The following URB1 variants were observed in gnomAD, a reference collection of about 807,000 sequenced individuals.
URB1 encodes nucleolar pre-ribosomal-associated protein 1.
Under a neutral mutation model 242.3 loss-of-function variants are expected in URB1, and 197 were observed. The observed-to-expected ratio is 0.81, with a 90% CI of 0.72 to 0.91. The LOEUF is 0.91. Among genes scored for constraint, URB1 ranks in the 40% least tolerant of loss-of-function variants. The pLI, the probability that URB1 is intolerant of heterozygous loss-of-function variation, is 0.00. For synonymous variants in URB1, 1,153 were observed against 1,201.8 expected, an observed-to-expected ratio of 0.96 and a Z score of 0.84; for missense variants, 2,721 against 2,860.5, an observed-to-expected ratio of 0.95 and a Z score of 1.11.
At chr21:32,359,075 T>C (rs570524130) in intron 14 of URB1, among the ~76,000 whole-genome samples, 1 of 152,328 alleles carries the variant, frequency 6.6e-6, no homozygotes, top group East Asian at 1.9e-4. Context: ...CATTCTTAAG[T>C]CTTCCTGGAA....
chr21:32,337,253 C>A, intron 27 of URB1, 96 bp from the exon 28 acceptor site: 1 of 1,406,932 alleles, frequency 7.1e-7, no homozygotes, highest in Non-Finnish European at 9.8e-7. Context: ...GCTCAAATGG[C>A]CCGGTCCTCA....
At position 32,353,956 on chromosome 21, in the gene URB1, A is replaced by ACAG; in HGVS notation, c.2392_2393insCTG (p.Leu798delinsProVal). On this transcript the variant is annotated protein_altering_variant, in exon 18 of 39. Transcript: ENST00000382751. ...ACCTGCTTCATTGCCTGTCCCAAGG[A>ACAG]GCAACTTATTCCTGGCTTCCAGGGC... 6.4e-7 allele frequency: 1 copy of ACAG among 1,551,738 alleles called. No individual in the cohort carries two copies. The highest frequency in any genetic ancestry group is 8.7e-7 in the Non-Finnish European group (1 of 1,147,006).
At chr21:32,390,178 CCT>C (rs1197821686) in intron 1 of URB1, among the ~76,000 whole-genome samples, 1 of 152,218 alleles carries the variant, frequency 6.6e-6, no homozygotes, top group African/African-American at 2.4e-5. Context: ...ACACCCATGC[CCT>C]GTCAACCTGG....
intron 30 of URB1, chr21:32,333,062 C>T: frequency 2.2e-6 from 1 of 456,354 alleles, no homozygotes. Context: ...ATTAGGAAAA[C>T]ATCAAAGACA....
At position 32,315,008 on chromosome 21, in the gene URB1, C is replaced by T. The variant is rs1316362619; in HGVS notation, c.6726G>A (p.Val2242=). The T allele has an allele frequency of 2.6e-6, 4 of 1,551,680 alleles. No individual in the cohort carries two copies. The highest frequency in any genetic ancestry group is 3.5e-6 in the Non-Finnish European group (4 of 1,146,996). The part of the protein sequence containing the change: ...PDTLLTHVRM[V]CEAADDAPSS... ...TCGGGGCATCATCTGCGGCCTCACACACCATCCGGACGTGGGTTAAGAGGG... is the reference window on the plus strand; with the variant it reads ...TCGGGGCATCATCTGCGGCCTCACATACCATCCGGACGTGGGTTAAGAGGG... Residue 2242 remains valine (V), a synonymous_variant, in exon 39 of 39, where the codon GTG becomes GTA. Coordinates refer to ENST00000382751, the MANE Select transcript of URB1 (RefSeq NM_014825.3).
chr21:32,360,822 T>C (rs2033274341), intron 13 of URB1, among the ~76,000 whole-genome samples, 185 bp downstream of exon 13: 1 of 152,200 alleles, frequency 6.6e-6, no homozygotes, highest in East Asian at 1.9e-4. Context: ...TACCAGGTGT[T>C]CATCTGATAT....
chr21:32,378,379 G>C (rs2033483388), intron 5 of URB1, 66 bp downstream of exon 5: 2 of 1,425,674 alleles, frequency 1.4e-6, no homozygotes, highest in Non-Finnish European at 1.9e-6. Flanking sequence ...GAACTTGGAA[G>C]AAACGGTTTG....
Position 32,347,061 on chromosome 21 carries a change from C to A in URB1, c.3763G>T (p.Ala1255Ser). 1 of 1,550,428 alleles carries A rather than the reference C, an allele frequency of 6.4e-7. No individual in the cohort carries two copies. The highest frequency in any genetic ancestry group is 8.7e-7 in the Non-Finnish European group (1 of 1,146,456). The change falls in exon 22 of 39, where the codon GCT becomes TCT. Residue 1255 changes from alanine (A) to serine (S), a missense_variant. Physicochemically the swap from Ala to Ser is moderately conservative, Grantham distance 99. Transcript: ENST00000382751. ...CCCTGGAGGCCGAGCCCTGGGCCAGCCTGCAGGCACCACTGCTCGAACCAC... is the reference window on the plus strand; with the variant it reads ...CCCTGGAGGCCGAGCCCTGGGCCAGACTGCAGGCACCACTGCTCGAACCAC... The part of the protein sequence containing the change: ...LLWFEQWCLQ[A>S]GPGLGLQGDL...
rs762606923 is a variant in URB1, at chr21:32,325,303, G to T, written c.5047C>A (p.Arg1683=). 1 of 1,551,620 alleles carries T rather than the reference G, an allele frequency of 6.4e-7. No homozygotes were observed. Among genetic ancestry groups the T allele is most frequent in the African/African-American group, 1.4e-5 (1 of 73,062 alleles). The stretch of plus-strand genomic sequence containing the variant: ...GCCAGGACATGGTAGGCTATGGCTC[G>T]CATCTGGGGGTCATAGCTGCTGAGG... ...TALSSYDPQM[R]AIAYHVLAAY... Residue 1683 remains arginine, a synonymous_variant, in exon 31 of 39, where the codon CGA becomes AGA. Transcript: ENST00000382751.
Position 32,311,685 on chromosome 21 carries a change from AACAGCCCCAAGC to A in URB1, c.*3221_*3232del, listed in dbSNP as rs778214159. On this transcript the variant is annotated 3_prime_UTR_variant, in exon 39 of 39. Transcript: ENST00000382751. ...CCTCCCACTCTGCTCTGTTCACAGG[AACAGCCCCAAGC>A]ACCACCAAACATGCCCCTGGAGTCA... 3.1e-6 allele frequency: 5 copies of A among 1,613,860 alleles called. No homozygotes were observed. Among genetic ancestry groups the A allele is most frequent in the Non-Finnish European group, 4.2e-6 (5 of 1,179,920 alleles).
At chr21:32,337,314 A>G in intron 27 of URB1, 90 bp downstream of exon 27, 1 of 1,370,754 alleles carries the variant, frequency 7.3e-7, no homozygotes, top group Non-Finnish European at 1.0e-6. Flanking sequence ...TCCTGCTCAC[A>G]TCCCTCCAGC....
chr21:32,320,749 C>A (rs758840120), intron 34 of URB1, 109 bp from the exon 35 acceptor site: 3 of 790,950 alleles, frequency 3.8e-6, no homozygotes, highest in Admixed American at 2.4e-5. Context: ...GTGGTGGCTG[C>A]AAATGAAGCC....
chr21:32,345,883 T>A (rs2033081342), intron 22 of URB1, among the ~76,000 whole-genome samples: 1 of 152,180 alleles, frequency 6.6e-6, no homozygotes, highest in African/African-American at 2.4e-5. Flanking sequence ...AGGTTCTCAA[T>A]TCATATGGGA....
intron 24 of URB1, 26 bp downstream of exon 24, chr21:32,344,544 C>T: frequency 6.5e-7 from 1 of 1,548,346 alleles, no homozygotes; most frequent in South Asian, 1.2e-5. Context: ...GAAATTTAAT[C>T]TGGATCTCTA....
chr21:32,344,494 G>T (rs1007069211), intron 24 of URB1, 76 bp downstream of exon 24: 18 of 1,477,972 alleles, frequency 1.2e-5, no homozygotes, highest in Non-Finnish European at 1.5e-5. Context: ...GGCTTGAAAT[G>T]CATCTATAGC....
At chr21:32,350,640 A>G in intron 20 of URB1, 64 bp downstream of exon 20, 2 of 1,520,534 alleles carry the variant, frequency 1.3e-6, no homozygotes, top group South Asian at 2.5e-5. Flanking sequence ...GGCCCGACTC[A>G]GAGAAGGCTT....
At chr21:32,380,909 A>G (rs1408362616) in intron 4 of URB1, among the ~76,000 whole-genome samples, 2 of 152,210 alleles carry the variant, frequency 1.3e-5, no homozygotes, top group African/African-American at 4.8e-5. Flanking sequence ...CTGCTGGTAC[A>G]CAGCAGAACT....
chr21:32,311,419 C>T lies in URB1; in HGVS notation c.*3499G>A. 1 of 304,872 alleles carries T rather than the reference C, an allele frequency of 3.3e-6. No individual in the cohort carries two copies. Among genetic ancestry groups the T allele is most frequent in the Non-Finnish European group, 6.1e-6 (1 of 164,668 alleles). 18.9% of individuals were successfully genotyped at this position (304,872 alleles called of 1,614,324 possible). A position where few individuals can be genotyped will look rare whatever the true frequency, so the allele number is the denominator to read the frequency against. On this transcript the variant is annotated 3_prime_UTR_variant, in exon 39 of 39. Transcript: ENST00000382751. ...ACCTGCTCCCCTCCACCCCCCACCCCCCCCATCCTAAATCAATGTAGGAAG... is the reference window on the plus strand; with the variant it reads ...ACCTGCTCCCCTCCACCCCCCACCCTCCCCATCCTAAATCAATGTAGGAAG...
chr21:32,320,828 G>A (rs2032756294), intron 34 of URB1, among the ~76,000 whole-genome samples, 188 bp from the exon 35 acceptor site: 1 of 152,230 alleles, frequency 6.6e-6, no homozygotes, highest in Non-Finnish European at 1.5e-5. Flanking sequence ...GACAGCCAGA[G>A]GACACAGACT....
Sources: gnomAD v4.1 joint callset for allele counts (sites outside exome capture counted in the v4.1 genomes callset) on GRCh38, gnomAD v4.1.1 for gene constraint, MANE v1.5 for transcripts, NCBI Gene and HGNC (gene_info 2026-07-23, HGNC 2026-07-21) for gene names.